Variants in NEK11 observed in about 807,000 individuals in gnomAD.
NEK11 encodes the protein serine/threonine-protein kinase Nek11.
In NEK11, 72 loss-of-function variants were observed where a neutral mutation model predicts 80.7. The observed-to-expected ratio is 0.89, with a 90% CI of 0.74 to 1.08. The LOEUF (loss-of-function observed/expected upper bound fraction) is 1.08, where lower values mean the gene tolerates loss of function less well. Among genes scored for constraint, NEK11 ranks in the 50% least tolerant of loss-of-function variants. NEK11 has a pLI of 0.00. For synonymous variants in NEK11, 251 were observed against 260.7 expected, an observed-to-expected ratio of 0.96 and a Z score of 0.36; for missense variants, 764 against 763.6, an observed-to-expected ratio of 1.00 and a Z score of -0.01.
chr3:131,156,724 T>TA (rs559996009), intron 10 of NEK11, among the ~76,000 whole-genome samples: 4 of 151,860 alleles, frequency 2.6e-5, no homozygotes, highest in African/African-American at 9.7e-5. Context: ...TCTATGACTA[T>TA]AAAAAAAAGT....
intron 4 of NEK11, among the ~76,000 whole-genome samples, chr3:131,095,948 C>G (rs2077366184): frequency 6.6e-6 from 1 of 152,060 alleles, no homozygotes; most frequent in South Asian, 2.1e-4. Context: ...TAAAATACTT[C>G]AAAGAAAGTT....
At chr3:131,081,877 G>A (rs1287682566) in intron 4 of NEK11, among the ~76,000 whole-genome samples, 1 of 152,160 alleles carries the variant, frequency 6.6e-6, no homozygotes, top group Non-Finnish European at 1.5e-5. Context: ...AGAAGGAAAA[G>A]GGATAGCAGC....
At chr3:131,125,245 G>A (rs2083114164) in intron 5 of NEK11, among the ~76,000 whole-genome samples, 2 of 152,168 alleles carry the variant, frequency 1.3e-5, no homozygotes, top group African/African-American at 2.4e-5. Flanking sequence ...ATCTTTATGA[G>A]TGACTTTTCT....
At chr3:131,339,151 A>G (rs1033614118) in intron 17 of NEK11, among the ~76,000 whole-genome samples, 2 of 152,220 alleles carry the variant, frequency 1.3e-5, no homozygotes, top group African/African-American at 4.8e-5. Flanking sequence ...GAAAGCCCTT[A>G]AAAAGAATTT....
chr3:131,348,102 CAGAGA>C (rs1263474001), intron 17 of NEK11, among the ~76,000 whole-genome samples: 3 of 152,150 alleles, frequency 2.0e-5, no homozygotes, highest in South Asian at 2.1e-4. Context: ...CTCTGTTCTT[CAGAGA>C]AAAGTGCAGA....
intron 14 of NEK11, among the ~76,000 whole-genome samples, chr3:131,215,027 C>CA: frequency 6.6e-6 from 1 of 152,234 alleles, no homozygotes; most frequent in Non-Finnish European, 1.5e-5. Flanking sequence ...GGAAAGAAAG[C>CA]ATCATGGCAA....
intron 7 of NEK11, among the ~76,000 whole-genome samples, chr3:131,139,455 A>G (rs1421612057): frequency 6.6e-6 from 1 of 152,104 alleles, no homozygotes; most frequent in Non-Finnish European, 1.5e-5. Context: ...GTGGAGAAAC[A>G]AATAGGAGTA....
chr3:131,066,842 A>T (rs2072094284), intron 3 of NEK11, among the ~76,000 whole-genome samples: 1 of 145,296 alleles, frequency 6.9e-6, no homozygotes, highest in African/African-American at 2.5e-5. Flanking sequence ...ACTTGTCTCA[A>T]AAAAAAAAAA....
chr3:131,257,445 G>T (rs1410697193), intron 16 of NEK11, among the ~76,000 whole-genome samples: 1 of 152,136 alleles, frequency 6.6e-6, no homozygotes, highest in East Asian at 1.9e-4. Flanking sequence ...AAATGAGAAT[G>T]TAAGGCCAAA....
Position 131,170,834 on chromosome 3 carries a change from T to G in NEK11, c.1346T>G (p.Leu449Arg). ...TCTCAGCCTATTCCTTCCATGGACC[T>G]CCACGAACTTGAATCAATTGTAGAG... ...PESQPIPSMD[L>R]HELESIVEDA... The change falls in exon 14 of 18, where the codon CTC becomes CGC. Residue 449 changes from leucine to arginine, a missense_variant. Transcript: ENST00000383366. 1 of 1,614,172 alleles carries G rather than the reference T, an allele frequency of 6.2e-7. No individual in the cohort carries two copies. The highest frequency in any genetic ancestry group is 8.5e-7 in the Non-Finnish European group (1 of 1,179,998).
intron 14 of NEK11, among the ~76,000 whole-genome samples, chr3:131,212,021 C>T (rs894134663): frequency 2.0e-5 from 3 of 152,136 alleles, no homozygotes; most frequent in Non-Finnish European, 4.4e-5. Context: ...CGAGGAGATG[C>T]GATCCTTTGG....
intron 17 of NEK11, among the ~76,000 whole-genome samples, chr3:131,319,217 A>AT (rs1034767326): frequency 2.1e-4 from 32 of 152,248 alleles, no homozygotes; most frequent in African/African-American, 7.7e-4. Context: ...AATATAATCA[A>AT]TTTTTTCTAA....
chr3:131,066,764 C>T (rs1346398602), intron 3 of NEK11, among the ~76,000 whole-genome samples: 1 of 150,430 alleles, frequency 6.6e-6, no homozygotes, highest in Non-Finnish European at 1.5e-5. Flanking sequence ...ATCACTTGAA[C>T]TTGGGAGGCG....
chr3:131,319,023 C>G (rs1330133245), intron 17 of NEK11, among the ~76,000 whole-genome samples: 3 of 151,756 alleles, frequency 2.0e-5, no homozygotes, highest in Non-Finnish European at 4.4e-5. Flanking sequence ...GGGTTGTTTT[C>G]AGTTTTATAA....
At chr3:131,052,026 G>C (rs574935143) in intron 3 of NEK11, among the ~76,000 whole-genome samples, 1 of 151,862 alleles carries the variant, frequency 6.6e-6, no homozygotes, top group African/African-American at 2.4e-5. Flanking sequence ...GTTTCTTCTG[G>C]ATCCTTTTAG....
chr3:131,199,282 T>C (rs2094142617), intron 14 of NEK11, among the ~76,000 whole-genome samples: 5 of 151,862 alleles, frequency 3.3e-5, no homozygotes, highest in South Asian at 2.1e-4. Context: ...AACAGAAAAA[T>C]GAGCAGAGGA....
At chr3:131,189,705 G>A (rs1237224382) in intron 14 of NEK11, among the ~76,000 whole-genome samples, 2 of 152,122 alleles carry the variant, frequency 1.3e-5, no homozygotes. Context: ...TATTTAGGCA[G>A]ACTGTCTGGG....
intron 16 of NEK11, among the ~76,000 whole-genome samples, chr3:131,260,630 GC>G (rs2095899999): frequency 6.6e-6 from 1 of 151,984 alleles, no homozygotes. Context: ...TTTACTACCC[GC>G]CCCTTTACAG....
chr3:131,085,225 G>A (rs1461652238), intron 4 of NEK11, among the ~76,000 whole-genome samples: 1 of 152,198 alleles, frequency 6.6e-6, no homozygotes, highest in African/African-American at 2.4e-5. Flanking sequence ...CTATTGCCTT[G>A]GCAGTTTTAG....
Sources: gnomAD v4.1 joint callset for allele counts (sites outside exome capture counted in the v4.1 genomes callset) on GRCh38, gnomAD v4.1.1 for gene constraint, MANE v1.5 for transcripts, NCBI Gene and HGNC (gene_info 2026-07-23, HGNC 2026-07-21) for gene names.